Variants in THADA observed in about 807,000 individuals in gnomAD.
The protein encoded by THADA is THADA armadillo repeat containing.
Under a neutral mutation model 219.8 loss-of-function variants are expected in THADA, and 213 were observed. That is an observed-to-expected ratio of 0.97 (90% confidence interval 0.87 to 1.09). The LOEUF (loss-of-function observed/expected upper bound fraction) is 1.09. Among genes scored for constraint, THADA ranks in the 50% least tolerant of loss-of-function variants. THADA has a pLI of 0.00. For synonymous variants in THADA, 1,018 were observed against 828.9 expected, an observed-to-expected ratio of 1.23 and a Z score of -3.92; for missense variants, 2,956 against 2,311.3, an observed-to-expected ratio of 1.28 and a Z score of -5.72.
chr2:43,532,412 CA>C (rs773523844), intron 21 of THADA, among the ~76,000 whole-genome samples: 1,342 of 47,242 alleles, frequency 0.028, 4 homozygotes, highest in Middle Eastern at 0.083. Flanking sequence ...GACTCCACCT[CA>C]AAAAAAAAAA....
chr2:43,562,073 C>T (rs1698134572), intron 15 of THADA: 1 of 152,168 alleles, frequency 6.6e-6, no homozygotes, highest in Admixed American at 6.5e-5. Flanking sequence ...TTGACCCACC[C>T]TTACATTCCT....
At chr2:43,571,597 G>C (rs1027448265) in intron 13 of THADA, 110 bp downstream of exon 13, 1 of 1,007,382 alleles carries the variant, frequency 9.9e-7, no homozygotes, top group African/African-American at 1.6e-5. Context: ...AGATGTGGTA[G>C]CCCAATTCCA....
At chr2:43,558,997 A>C (rs948998216) in intron 16 of THADA, among the ~76,000 whole-genome samples, 1 of 152,130 alleles carries the variant, frequency 6.6e-6, no homozygotes, top group African/African-American at 2.4e-5. Context: ...TGAGCCCCTT[A>C]GTGATGTAAG....
chr2:43,300,882 C>T (rs924992965), intron 31 of THADA, among the ~76,000 whole-genome samples: 3 of 152,162 alleles, frequency 2.0e-5, no homozygotes, highest in African/African-American at 4.8e-5. Flanking sequence ...TCGACCTCAC[C>T]CCAGAGTTTC....
At chr2:43,528,969 G>C (rs1009253743) in intron 21 of THADA, among the ~76,000 whole-genome samples, 3 of 151,866 alleles carry the variant, frequency 2.0e-5, no homozygotes, top group Admixed American at 2.0e-4. Flanking sequence ...AAAATAACCC[G>C]TATTACCTTT....
At chr2:43,339,175 T>A (rs961231036) in intron 30 of THADA, among the ~76,000 whole-genome samples, 1 of 152,234 alleles carries the variant, frequency 6.6e-6, no homozygotes, top group African/African-American at 2.4e-5. Flanking sequence ...ACTAATTTTC[T>A]ATGATAAGCA....
At chr2:43,255,452 G>C (rs184171448) in intron 36 of THADA, among the ~76,000 whole-genome samples, 34 of 152,302 alleles carry the variant, frequency 2.2e-4, no homozygotes, top group Admixed American at 4.6e-4. Flanking sequence ...TTCTTTCCCT[G>C]ACATGAATTT....
At chr2:43,424,680 C>T (rs772912888) in intron 28 of THADA, among the ~76,000 whole-genome samples, 21 of 152,160 alleles carry the variant, frequency 1.4e-4, no homozygotes, top group Non-Finnish European at 2.6e-4. Flanking sequence ...TAGTTCACCT[C>T]GCCAGTGAAC....
chr2:43,372,031 C>T (rs952773694), intron 29 of THADA: 10 of 152,170 alleles, frequency 6.6e-5, no homozygotes, highest in African/African-American at 2.4e-4. Context: ...CATCATTCAT[C>T]CAAACATATT....
intron 21 of THADA, among the ~76,000 whole-genome samples, chr2:43,537,857 T>C (rs1694799995): frequency 6.6e-6 from 1 of 151,518 alleles, no homozygotes; most frequent in African/African-American, 2.4e-5. Flanking sequence ...TTTGGGAGGC[T>C]TAAGCCCAGG....
chr2:43,490,859 G>T (rs1687546091), intron 25 of THADA, among the ~76,000 whole-genome samples: 1 of 152,130 alleles, frequency 6.6e-6, no homozygotes, highest in East Asian at 1.9e-4. Context: ...TGGGGGTCTT[G>T]GAATGCATCC....
intron 30 of THADA, among the ~76,000 whole-genome samples, chr2:43,331,651 T>A (rs915815830): frequency 6.6e-6 from 1 of 152,174 alleles, no homozygotes; most frequent in Non-Finnish European, 1.5e-5. Flanking sequence ...ATGCACTCCC[T>A]CCAGTATCCC....
At chr2:43,546,233 G>A (rs1374218686) in intron 20 of THADA, among the ~76,000 whole-genome samples, 1 of 152,032 alleles carries the variant, frequency 6.6e-6, no homozygotes, top group Non-Finnish European at 1.5e-5. Context: ...TGGTCTGAGA[G>A]ACAGTTTGTT....
intron 21 of THADA, among the ~76,000 whole-genome samples, chr2:43,531,459 A>G (rs1243372968): frequency 2.6e-5 from 4 of 152,240 alleles, no homozygotes; most frequent in Non-Finnish European, 5.9e-5. Context: ...GCTAGAAAAC[A>G]GTAAGGACAA....
At chr2:43,349,187 C>T (rs1451847579) in intron 29 of THADA, among the ~76,000 whole-genome samples, 1 of 152,150 alleles carries the variant, frequency 6.6e-6, no homozygotes, top group East Asian at 1.9e-4. Flanking sequence ...AGGGAATGCA[C>T]TGCAGGAGGG....
intron 22 of THADA, among the ~76,000 whole-genome samples, chr2:43,518,968 C>T (rs1006559724): frequency 3.9e-5 from 6 of 152,034 alleles, no homozygotes; most frequent in Non-Finnish European, 7.4e-5. Context: ...TAGGCAGCCT[C>T]CCAAAACTAC....
At chr2:43,315,453 T>TTTTTTTTTC (rs898576073) in intron 31 of THADA, among the ~76,000 whole-genome samples, 3 of 151,332 alleles carry the variant, frequency 2.0e-5, no homozygotes, top group Non-Finnish European at 4.4e-5. Context: ...AGTTACATTC[T>TTTTTTTTTC]TTTTTTTTCT....
intron 24 of THADA, among the ~76,000 whole-genome samples, chr2:43,505,199 T>C (rs1032818742): frequency 2.6e-5 from 4 of 152,204 alleles, no homozygotes; most frequent in African/African-American, 7.2e-5. Flanking sequence ...TTCAAATTCA[T>C]AGATGCAACA....
intron 29 of THADA, among the ~76,000 whole-genome samples, chr2:43,369,328 TA>T (rs1187293911): frequency 6.6e-6 from 1 of 152,212 alleles, no homozygotes; most frequent in African/African-American, 2.4e-5. Flanking sequence ...GAACAAGTGA[TA>T]AAATGAAATC....
Sources: gnomAD v4.1 joint callset for allele counts (sites outside exome capture counted in the v4.1 genomes callset) on GRCh38, gnomAD v4.1.1 for gene constraint, MANE v1.5 for transcripts, NCBI Gene and HGNC (gene_info 2026-07-23, HGNC 2026-07-21) for gene names.